GLRB: variants seen among roughly 807,000 people sequenced by gnomAD.
The protein encoded by GLRB is glycine receptor beta, also known as glycine receptor subunit beta.
A neutral mutation model predicts 54.2 loss-of-function variants in GLRB; 33 were observed. The ratio of observed to expected loss-of-function variants is 0.61; its 90% confidence interval spans 0.46 to 0.81. GLRB has a LOEUF of 0.81. Ranked by LOEUF, GLRB falls within the 40% of genes least tolerant of loss-of-function variation. GLRB has a pLI of 0.00. For missense variants in GLRB, 572 were observed against 584.6 expected, an observed-to-expected ratio of 0.98 and a Z score of 0.22; for synonymous variants, 209 against 208.2, an observed-to-expected ratio of 1.00 and a Z score of -0.03.
chr4:157,127,757 C>G (rs1229995426), intron 4 of GLRB, among the ~76,000 whole-genome samples: 1 of 151,818 alleles, frequency 6.6e-6, no homozygotes, highest in Non-Finnish European at 1.5e-5. Context: ...CAGGTGACCT[C>G]TAGGAGCTGA....
intron 8 of GLRB, among the ~76,000 whole-genome samples, chr4:157,151,532 A>G (rs1011961634): frequency 2.6e-5 from 4 of 152,118 alleles, no homozygotes; most frequent in Non-Finnish European, 5.9e-5. Flanking sequence ...AAGTTGTTAT[A>G]TATTGAATAT....
chr4:157,138,738 G>C, intron 6 of GLRB, 71 bp from the exon 7 acceptor site: 1 of 804,558 alleles, frequency 1.2e-6, no homozygotes, highest in Non-Finnish European at 2.1e-6. Flanking sequence ...TTTAAGATTT[G>C]AATTATGAAA....
chr4:157,149,899 C>A (rs1295985214), intron 8 of GLRB, among the ~76,000 whole-genome samples: 1 of 151,338 alleles, frequency 6.6e-6, no homozygotes, highest in Non-Finnish European at 1.5e-5. Flanking sequence ...TTCTAGTTTT[C>A]AATTTTTCTC....
At chr4:157,121,034 A>T (rs1414595750) in intron 3 of GLRB, among the ~76,000 whole-genome samples, 1 of 151,704 alleles carries the variant, frequency 6.6e-6, no homozygotes, top group Non-Finnish European at 1.5e-5. Flanking sequence ...TATAATTTGC[A>T]GAATGATGAT....
At chr4:157,089,398 C>G (rs531703455) in intron 2 of GLRB, among the ~76,000 whole-genome samples, 1 of 152,184 alleles carries the variant, frequency 6.6e-6, no homozygotes, top group African/African-American at 2.4e-5. Flanking sequence ...GAGGGAGACC[C>G]TGTTTCAAAG....
chr4:157,148,213 T>C (rs78806109), intron 8 of GLRB, among the ~76,000 whole-genome samples: 6,842 of 152,276 alleles, frequency 0.045, 167 homozygotes, highest in Middle Eastern at 0.12. Flanking sequence ...TAGGCTGTAG[T>C]AGTAATGTTC....
At chr4:157,135,895 T>C (rs1045920377) in intron 4 of GLRB, among the ~76,000 whole-genome samples, 2 of 152,114 alleles carry the variant, frequency 1.3e-5, no homozygotes, top group Non-Finnish European at 2.9e-5. Flanking sequence ...CCCTCTAAAG[T>C]AGAGGGCCAT....
chr4:157,153,132 A>T, intron 9 of GLRB, 122 bp downstream of exon 9: 1 of 883,666 alleles, frequency 1.1e-6, no homozygotes, highest in Non-Finnish European at 1.8e-6. Context: ...TTTCTCTCAC[A>T]GATGAAAACA....
intron 2 of GLRB, among the ~76,000 whole-genome samples, chr4:157,107,318 G>C (rs1735262392): frequency 6.6e-6 from 1 of 152,110 alleles, no homozygotes; most frequent in African/African-American, 2.4e-5. Flanking sequence ...AAATGATTAA[G>C]CTTAATGAGG....
chr4:157,156,550 GC>G, intron 9 of GLRB, among the ~76,000 whole-genome samples: 1 of 152,206 alleles, frequency 6.6e-6, no homozygotes, highest in South Asian at 2.1e-4. Flanking sequence ...TTACCTGGTT[GC>G]CCTGGCTGGG....
At chr4:157,093,824 G>C (rs1295348149) in intron 2 of GLRB, among the ~76,000 whole-genome samples, 1 of 147,782 alleles carries the variant, frequency 6.8e-6, no homozygotes, top group Non-Finnish European at 1.5e-5. Flanking sequence ...AAAAGCAATA[G>C]AGTAGTTCTT....
chr4:157,097,421 A>G (rs759812839), intron 2 of GLRB, among the ~76,000 whole-genome samples: 2 of 152,214 alleles, frequency 1.3e-5, no homozygotes, highest in Non-Finnish European at 2.9e-5. Context: ...ACACCTATGT[A>G]TTAACTCCCC....
At chr4:157,089,880 C>A (rs1302292048) in intron 2 of GLRB, among the ~76,000 whole-genome samples, 2 of 152,188 alleles carry the variant, frequency 1.3e-5, no homozygotes, top group Admixed American at 6.5e-5. Context: ...TACACCCAGC[C>A]TTTCATGAGA....
chr4:157,108,992 T>C (rs1735322629), intron 2 of GLRB, among the ~76,000 whole-genome samples: 1 of 152,140 alleles, frequency 6.6e-6, no homozygotes, highest in East Asian at 1.9e-4. Context: ...AAAGCTCAGA[T>C]GATTGTTAGC....
At position 157,111,125 on chromosome 4, in the gene GLRB, G is replaced by A. The variant is rs576372788; in HGVS notation, c.123-9431G>A. On this transcript the variant is annotated intron_variant, in intron 2 of 9. Coordinates refer to ENST00000264428, the MANE Select transcript of GLRB (RefSeq NM_000824.5). ...GTCTAGTGTATACTGGGCCCTATCA[G>A]TGCTCTGAGACAGATGAGAGAAAAG... Among the ~76,000 whole-genome samples the A allele has an allele frequency of 1.6e-3, 240 of 152,050 alleles. 1 individual carries two copies. Among genetic ancestry groups the A allele is most frequent in the African/African-American group, 5.5e-3 (229 of 41,506 alleles).
rs1056781190 is a variant in GLRB, at chr4:157,135,117, T to C, written c.298-1352T>C. On this transcript the variant is annotated intron_variant, in intron 4 of 9. Transcript: ENST00000264428. ...AAAATTAAATAAGGAATTCATCCTG[T>C]GTATTTTGATATAAGGGTCATTGAT... Among the ~76,000 whole-genome samples the C allele has an allele frequency of 6.6e-5, 10 of 152,246 alleles. No individual in the cohort carries two copies. In the South Asian group the frequency reaches 1.0e-3, roughly 16 times the overall value.
intron 8 of GLRB, among the ~76,000 whole-genome samples, chr4:157,151,991 G>C (rs1737037847): frequency 6.6e-6 from 1 of 152,068 alleles, no homozygotes; most frequent in African/African-American, 2.4e-5. Context: ...TTGAAAATAC[G>C]AAGGAAAGGA....
At chr4:157,119,598 A>C (rs2126527569) in intron 2 of GLRB, among the ~76,000 whole-genome samples, 1 of 151,772 alleles carries the variant, frequency 6.6e-6, no homozygotes, top group Non-Finnish European at 1.5e-5. Context: ...GTTAATTGTT[A>C]AAATATATAT....
rs572753810 is a variant in GLRB at position 157,111,913 on chromosome 4, C to T, written c.123-8643C>T. ...TCTCAGCAACTTTTGGCCCTGTTAG[C>T]CAACTCTTTCATGAAATATTCTTTT... is the stretch of plus-strand genomic sequence containing the variant. On this transcript the variant is annotated intron_variant, in intron 2 of 9. Coordinates refer to ENST00000264428, the MANE Select transcript of GLRB (RefSeq NM_000824.5). Among the ~76,000 whole-genome samples, 16 of 152,128 alleles carry T rather than the reference C, an allele frequency of 1.1e-4. No individual in the cohort carries two copies. In the South Asian group the frequency reaches 3.3e-3, roughly 32 times the overall value.
Sources: gnomAD v4.1 joint callset for allele counts (sites outside exome capture counted in the v4.1 genomes callset) on GRCh38, gnomAD v4.1.1 for gene constraint, MANE v1.5 for transcripts, NCBI Gene and HGNC (gene_info 2026-07-23, HGNC 2026-07-21) for gene names.